Variants in ZNF425 observed in about 807,000 individuals in gnomAD.
The protein encoded by ZNF425 is zinc finger protein 425.
ZNF425 carries 21 observed loss-of-function variants against 17.0 expected under a neutral mutation model. That is an observed-to-expected ratio of 1.23 (90% CI 0.88 to 1.78). The LOEUF (loss-of-function observed/expected upper bound fraction) is 1.78, where lower values mean the gene tolerates loss of function less well. ZNF425 is among the 40% of genes most tolerant of loss of function. The pLI, the probability that ZNF425 is intolerant of heterozygous loss-of-function variation, is 0.00. For missense variants in ZNF425, 868 were observed against 967.3 expected (o/e 0.90, Z 1.36); for synonymous variants, 433 against 384.1 (o/e 1.13, Z -1.49).
In ZNF425 at chr7:149,104,758, A is replaced by G. The variant is rs752756350; in HGVS notation, c.1113T>C (p.Ala371=). The change falls in exon 4 of 4, where the codon GCT becomes GCC. Residue 371 remains alanine (A), a synonymous_variant. Transcript: ENST00000378061. The surrounding 1 kb of genome is among the most constrained non-coding windows in gnomAD (Gnocchi z 4.3). ...GCGTCCTCTGGTGGGTCTTCAGGGC[A>G]GCCTTCCGGGAGAAGCTCCGGCCAC... is the stretch of plus-strand genomic sequence containing the variant. ...PECGRSFSRK[A]ALKTHQRTHS... is the part of the protein sequence containing the mutation. 44 of 1,612,674 alleles carry G rather than the reference A, an allele frequency of 2.7e-5. 1 individual carries two copies. The Admixed American group carries it at 7.3e-4, about 27-fold the overall frequency.
intron 1 of ZNF425, chr7:149,125,719 T>G: frequency 4.8e-6 from 1 of 207,682 alleles, no homozygotes; most frequent in South Asian, 6.4e-5. Flanking sequence ...TTGCCCAGGC[T>G]GGAGGGCAGT....
chr7:149,121,079 CTTTTTTTTTTTTTTTTTTT>C (rs75534831), intron 1 of ZNF425, among the ~76,000 whole-genome samples: 1,319 of 62,814 alleles, frequency 0.021, 184 homozygotes, highest in African/African-American at 0.11. Context: ...TTTTACATTC[CTTTTTTTTTTTTTTTTTTT>C]TTTTTTTTTT....
chr7:149,104,269 A>G lies in ZNF425; in HGVS notation c.1602T>C (p.Ser534=). 5 of 1,613,486 alleles carry G rather than the reference A, an allele frequency of 3.1e-6. No individual in the cohort carries two copies. Among genetic ancestry groups the G allele is most frequent in the Non-Finnish European group, 4.2e-6 (5 of 1,179,834 alleles). Residue 534 remains serine (S), a synonymous_variant, in exon 4 of 4, where the codon AGT becomes AGC. Transcript: ENST00000378061. This position sits in a 1 kb window ranked among gnomAD's most constrained non-coding sequence, Gnocchi z 4.3. ...CTGTGAGATGCGCGCGTCGGCGGAA[A>G]CTGCGGCCGCACTCGGCGCAGGAGA... The part of the protein sequence containing the change: ...KPFSCAECGR[S]FRRRAHLTEH...
In ZNF425 at chr7:149,104,801, G is replaced by T; in HGVS notation, c.1070C>A (p.Pro357His). 1 of 1,613,772 alleles carries T rather than the reference G, an allele frequency of 6.2e-7. No homozygotes were observed. The change falls in exon 4 of 4, where the codon CCC becomes CAC. Residue 357 changes from proline to histidine, a missense_variant. This residue lies in a region of ZNF425 where 243 missense variants were observed against 265.2 expected (regional missense o/e 0.92). Coordinates refer to ENST00000378061, the MANE Select transcript of ZNF425 (RefSeq NM_001001661.3). This position sits in a 1 kb window ranked among gnomAD's most constrained non-coding sequence, Gnocchi z 4.3. ...VHLTQHSGKR[P>H]FHCPECGRSF... The stretch of plus-strand genomic sequence containing the variant: ...CCGGCCACACTCGGGACAGTGGAAG[G>T]GCCTCTTCCCGCTGTGCTGGGTCAG...
intron 3 of ZNF425, among the ~76,000 whole-genome samples, chr7:149,110,713 C>A (rs2129518009): frequency 6.6e-6 from 1 of 151,672 alleles, no homozygotes; most frequent in Non-Finnish European, 1.5e-5. Context: ...CAGGGTTTTT[C>A]ATTTCTGTAT....
rs141655627 is a variant in ZNF425, at chr7:149,112,237, T to C, written c.204A>G (p.Leu68=). The C allele has an allele frequency of 1.8e-3, 2,828 of 1,614,166 alleles. 5 individuals are homozygous for C. The highest frequency in any genetic ancestry group is 2.2e-3 in the Non-Finnish European group (2,583 of 1,179,974). Reference sequence around the variant, plus strand: ...TATCTAAGCATCCCTGTTCGCTGATTAATAGCATTCTCCCTTGTTCCATCC... The same window carrying C: ...TATCTAAGCATCCCTGTTCGCTGATCAATAGCATTCTCCCTTGTTCCATCC... ...ITWMEQGRML[L]ISEQGCLDKT... Residue 68 remains leucine, a synonymous_variant, in exon 3 of 4, where the codon TTA becomes TTG. Coordinates refer to ENST00000378061, the MANE Select transcript of ZNF425 (RefSeq NM_001001661.3).
Position 149,104,833 on chromosome 7 carries a change from C to T in ZNF425, c.1038G>A (p.Lys346=). The change falls in exon 4 of 4, where the codon AAG becomes AAA. Residue 346 remains lysine, a synonymous_variant. Transcript: ENST00000378061. The surrounding 1 kb of genome is among the most constrained non-coding windows in gnomAD (Gnocchi z 4.3). The part of the protein sequence containing the change: ...DRCFRLKRGM[K]VHLTQHSGKR... ...TCCCGCTGTGCTGGGTCAGATGGAC[C>T]TTCATGCCCCTCTTCAGGCGGAAGC... 6.2e-7 allele frequency: 1 copy of T among 1,613,832 alleles called. No individual in the cohort carries two copies. The highest frequency in any genetic ancestry group is 8.5e-7 in the Non-Finnish European group (1 of 1,179,976).
At chr7:149,112,803 AC>A (rs1826195389) in intron 2 of ZNF425, among the ~76,000 whole-genome samples, 1 of 151,416 alleles carries the variant, frequency 6.6e-6, no homozygotes, top group Non-Finnish European at 1.5e-5. Context: ...AGTAGCTGGG[AC>A]TATAGGCATG....
chr7:149,110,426 C>T (rs1460768412), intron 3 of ZNF425, among the ~76,000 whole-genome samples: 2 of 151,454 alleles, frequency 1.3e-5, no homozygotes, highest in African/African-American at 2.4e-5. Flanking sequence ...ACTAGCCAGG[C>T]GTGGTTGTGG....
rs1563143858 is a variant in ZNF425, at chr7:149,103,199, T to A, written c.*413A>T. 1 of 171,624 alleles carries A rather than the reference T, an allele frequency of 5.8e-6. No homozygotes were observed. The highest frequency in any genetic ancestry group is 5.7e-5 in the Admixed American group (1 of 17,626). The allele number at this position is 171,624 out of a possible 1,614,324, so 10.6% of individuals were successfully genotyped here. A position where few individuals can be genotyped will look rare whatever the true frequency, so the allele number is the denominator to read the frequency against. ...GCAGACCACACACCTGTCCAGTGTGTCTGTAGCCAGTATTTTGTGATTTTT... is the reference window on the plus strand; with the variant it reads ...GCAGACCACACACCTGTCCAGTGTGACTGTAGCCAGTATTTTGTGATTTTT... On this transcript the variant is annotated 3_prime_UTR_variant, in exon 4 of 4. Transcript: ENST00000378061.
chr7:149,125,477 C>T (rs59479971), intron 1 of ZNF425, among the ~76,000 whole-genome samples: 5,530 of 152,214 alleles, frequency 0.036, 326 homozygotes, highest in African/African-American at 0.13. Flanking sequence ...TCAGTTCCAG[C>T]TTTCCTTCTC....
chr7:149,104,791 A>C lies in ZNF425; in HGVS notation c.1080T>G (p.Cys360Trp). Residue 360 changes from cysteine (C) to tryptophan (W), a missense_variant, in exon 4 of 4, where the codon TGT becomes TGG. Around this residue, in one of 5 missense-constraint regions of ZNF425, gnomAD observed 243 missense variants for 265.2 expected, o/e 0.92. Coordinates refer to ENST00000378061, the MANE Select transcript of ZNF425 (RefSeq NM_001001661.3). The surrounding 1 kb of genome is among the most constrained non-coding windows in gnomAD (Gnocchi z 4.3). ...GGGAGAAGCTCCGGCCACACTCGGGACAGTGGAAGGGCCTCTTCCCGCTGT... is the reference window on the plus strand; with the variant it reads ...GGGAGAAGCTCCGGCCACACTCGGGCCAGTGGAAGGGCCTCTTCCCGCTGT... ...TQHSGKRPFH[C>W]PECGRSFSRK... is the part of the protein sequence containing the mutation. 1 of 1,613,608 alleles carries C rather than the reference A, an allele frequency of 6.2e-7. No homozygotes were observed. The highest frequency in any genetic ancestry group is 8.5e-7 in the Non-Finnish European group (1 of 1,179,960).
chr7:149,120,286 G>T (rs1272163389), intron 1 of ZNF425, among the ~76,000 whole-genome samples: 1 of 152,192 alleles, frequency 6.6e-6, no homozygotes, highest in African/African-American at 2.4e-5. Context: ...GGAGGCTGAG[G>T]CAGGAGAATT....
Position 149,103,645 on chromosome 7 carries a change from T to G in ZNF425, c.2226A>C (p.Ala742=), listed in dbSNP as rs779064651. 1.2e-6 allele frequency: 2 copies of G among 1,612,272 alleles called. No individual in the cohort carries two copies. The highest frequency in any genetic ancestry group is 2.2e-5 in the South Asian group (2 of 90,806). The change falls in exon 4 of 4, where the codon GCA becomes GCC. Residue 742 remains alanine, a synonymous_variant. Coordinates refer to ENST00000378061, the MANE Select transcript of ZNF425 (RefSeq NM_001001661.3). ...TGGAGGGCTTCTCTTTGGCATGCAC[T>G]GCAATGTGGGTCTTGAGCGCCCCCA... ...TYVGALKTHI[A]VHAKEKPSSL
Position 149,104,049 on chromosome 7 carries a change from T to A in ZNF425, c.1822A>T (p.Lys608Ter), listed in dbSNP as rs1245689309. The A allele has an allele frequency of 1.2e-6, 2 of 1,613,622 alleles. No individual in the cohort carries two copies. Among genetic ancestry groups the A allele is most frequent in the African/African-American group, 2.7e-5 (2 of 74,918 alleles). ...TEHLRLHSGE[K>*]PYQCPECEKT... Reference sequence around the variant, plus strand: ...TCGCATTCAGGACACTGGTAGGGCTTCTCTCCACTGTGCAGCCTCAGGTGC... The same window carrying A: ...TCGCATTCAGGACACTGGTAGGGCTACTCTCCACTGTGCAGCCTCAGGTGC... The change falls in exon 4 of 4, where the codon AAG becomes TAG. Residue 608 changes from lysine to a stop codon, truncating the protein, a stop_gained. Coordinates refer to ENST00000378061, the MANE Select transcript of ZNF425 (RefSeq NM_001001661.3). LOFTEE classifies it low-confidence loss of function (END_TRUNC). The surrounding 1 kb of genome is among the most constrained non-coding windows in gnomAD (Gnocchi z 4.3).
rs554815281 is a variant in ZNF425 at position 149,103,497 on chromosome 7, C to G, written c.*115G>C. The G allele has an allele frequency of 1.9e-5, 25 of 1,325,400 alleles. No homozygotes were observed. In the African/African-American group the frequency reaches 3.7e-4, roughly 20 times the overall value. The allele number at this position is 1,325,400 out of a possible 1,614,324, so 82.1% of individuals were successfully genotyped here. A position where few individuals can be genotyped will look rare whatever the true frequency, so the allele number is the denominator to read the frequency against. On this transcript the variant is annotated 3_prime_UTR_variant, in exon 4 of 4. Coordinates refer to ENST00000378061, the MANE Select transcript of ZNF425 (RefSeq NM_001001661.3). Reference sequence around the variant, plus strand: ...CCTCCCAAAGTAATGGGATTACAGGCGGGAGCCACTGTGCCCGATCTTACC... The same window carrying G: ...CCTCCCAAAGTAATGGGATTACAGGGGGGAGCCACTGTGCCCGATCTTACC...
At chr7:149,124,342 A>G (rs1187676977) in intron 1 of ZNF425, among the ~76,000 whole-genome samples, 1 of 149,042 alleles carries the variant, frequency 6.7e-6, no homozygotes, top group African/African-American at 2.5e-5. Context: ...ATTTTAGTAG[A>G]GAGGGAGTTT....
chr7:149,116,535 G>T (rs149924794), intron 2 of ZNF425, among the ~76,000 whole-genome samples: 1 of 152,040 alleles, frequency 6.6e-6, no homozygotes, highest in South Asian at 2.1e-4. Flanking sequence ...CCATGAAATC[G>T]CACCAGAACG....
intron 3 of ZNF425, among the ~76,000 whole-genome samples, chr7:149,111,436 A>C (rs937175885): frequency 1.3e-5 from 2 of 150,774 alleles, no homozygotes; most frequent in Non-Finnish European, 3.0e-5. Flanking sequence ...CTAAAAATAC[A>C]AAAAAATTAG....
Sources: gnomAD v4.1 joint callset for allele counts (sites outside exome capture counted in the v4.1 genomes callset) on GRCh38, gnomAD v4.1.1 for gene constraint, gnomAD v4.1.1 regional missense constraint, Gnocchi (gnomAD v3.1) non-coding constraint, MANE v1.5 for transcripts, NCBI Gene and HGNC (gene_info 2026-07-23, HGNC 2026-07-21) for gene names.